The following PAX5 variants were observed in gnomAD, a reference collection of about 807,000 sequenced individuals.
PAX5 encodes paired box 5.
A neutral mutation model predicts 43.7 loss-of-function variants in PAX5; 9 were observed. The ratio of observed to expected loss-of-function variants is 0.21; its 90% CI spans 0.12 to 0.36. The LOEUF (loss-of-function observed/expected upper bound fraction) is 0.36. Among genes scored for constraint, PAX5 ranks in the 10% least tolerant of loss-of-function variants. The pLI is 1.00. For synonymous variants in PAX5, 228 were observed against 214.3 expected (o/e 1.06, Z -0.56); for missense variants, 383 against 532.7 (o/e 0.72, Z 2.77).
At chr9:36,913,343 C>T (rs1829458947) in intron 7 of PAX5, among the ~76,000 whole-genome samples, 1 of 152,218 alleles carries the variant, frequency 6.6e-6, no homozygotes, top group African/African-American at 2.4e-5. Flanking sequence ...AAGAGATGCT[C>T]CTCAGGGAAA....
intron 3 of PAX5, 146 bp downstream of exon 3, chr9:37,014,851 C>T (rs1839260049): frequency 1.3e-6 from 1 of 743,714 alleles, no homozygotes. Flanking sequence ...ACCGAGCAGG[C>T]CCCATTAGCA....
chr9:36,913,476 C>G (rs763909806), intron 7 of PAX5, among the ~76,000 whole-genome samples: 2 of 152,224 alleles, frequency 1.3e-5, no homozygotes, highest in Non-Finnish European at 2.9e-5. Context: ...GTGCCCCACC[C>G]GCTGTCCTCT....
intron 6 of PAX5, among the ~76,000 whole-genome samples, chr9:36,935,398 A>C (rs574415924): frequency 3.9e-4 from 60 of 152,008 alleles, no homozygotes; most frequent in African/African-American, 6.5e-4. Context: ...AACAAACAAA[A>C]AAAAAAATGA....
At chr9:37,006,613 A>G in intron 3 of PAX5, 76 bp from the exon 4 acceptor site, 1 of 1,156,422 alleles carries the variant, frequency 8.6e-7, no homozygotes, top group Non-Finnish European at 1.3e-6. Context: ...ATGCACAGAC[A>G]ACCAGAAAAC....
chr9:36,861,292 T>C (rs1563902655), intron 8 of PAX5: 1 of 151,416 alleles, frequency 6.6e-6, no homozygotes, highest in Non-Finnish European at 1.5e-5. Context: ...CATCCATCCA[T>C]TCATCTATCA....
At chr9:36,933,538 C>T (rs1403055398) in intron 6 of PAX5, among the ~76,000 whole-genome samples, 3 of 152,186 alleles carry the variant, frequency 2.0e-5, no homozygotes, top group African/African-American at 7.2e-5. Flanking sequence ...CTGCCCACCC[C>T]GTGTGCAGCA....
At chr9:37,028,340 A>G (rs1278122014) in intron 1 of PAX5, among the ~76,000 whole-genome samples, 2 of 152,082 alleles carry the variant, frequency 1.3e-5, no homozygotes, top group Non-Finnish European at 2.9e-5. Flanking sequence ...TAATTTTATC[A>G]AGTACCTACT....
intron 6 of PAX5, among the ~76,000 whole-genome samples, chr9:36,961,749 G>C (rs984503189): frequency 6.6e-6 from 1 of 152,166 alleles, no homozygotes; most frequent in Non-Finnish European, 1.5e-5. Flanking sequence ...GCGCTGCGCC[G>C]ACGACAACGT....
intron 6 of PAX5, among the ~76,000 whole-genome samples, chr9:36,948,930 C>T (rs1319235266): frequency 6.6e-6 from 1 of 152,154 alleles, no homozygotes; most frequent in Admixed American, 6.5e-5. Context: ...TGTGGCAGAA[C>T]ACTCCTTAAT....
At chr9:37,004,675 C>T (rs929571385) in intron 4 of PAX5, among the ~76,000 whole-genome samples, 1 of 152,248 alleles carries the variant, frequency 6.6e-6, no homozygotes, top group African/African-American at 2.4e-5. Context: ...AATCCCACAA[C>T]CTTTTCTGTA....
intron 8 of PAX5, among the ~76,000 whole-genome samples, chr9:36,855,505 A>AC (rs34644586): frequency 0.34 from 51,832 of 151,972 alleles, 9,168 homozygotes; most frequent in East Asian, 0.52. Context: ...TGTACAAATG[A>AC]CCCCCCTGAA....
intron 5 of PAX5, among the ~76,000 whole-genome samples, chr9:36,970,285 G>A (rs1233794979): frequency 6.6e-6 from 1 of 152,172 alleles, no homozygotes; most frequent in Non-Finnish European, 1.5e-5. Context: ...CCAGGGAGAG[G>A]GGATGGGGCA....
At chr9:36,939,950 C>T (rs60017165) in intron 6 of PAX5, among the ~76,000 whole-genome samples, 2 of 152,208 alleles carry the variant, frequency 1.3e-5, no homozygotes. Context: ...CACTGGAACT[C>T]GGGCTGGGGC....
chr9:36,903,306 C>T (rs1828555772), intron 7 of PAX5, among the ~76,000 whole-genome samples: 1 of 152,218 alleles, frequency 6.6e-6, no homozygotes, highest in South Asian at 2.1e-4. Context: ...GAGGTGGGAG[C>T]ATCACTTGAG....
chr9:36,969,748 C>T (rs1207932467), intron 5 of PAX5, among the ~76,000 whole-genome samples: 3 of 152,134 alleles, frequency 2.0e-5, no homozygotes, highest in Admixed American at 2.0e-4. Flanking sequence ...CCTGGGAGGC[C>T]GAGGTGGGTG....
chr9:37,025,677 G>T (rs1840272309), intron 1 of PAX5, among the ~76,000 whole-genome samples: 1 of 152,220 alleles, frequency 6.6e-6, no homozygotes, highest in Admixed American at 6.5e-5. Context: ...AGGAGGCTGT[G>T]GTAATGGGTG....
intron 6 of PAX5, among the ~76,000 whole-genome samples, chr9:36,928,933 A>G (rs191111682): frequency 1.5e-4 from 23 of 152,292 alleles, no homozygotes; most frequent in Admixed American, 1.4e-3. Context: ...TGAGTCATTA[A>G]TCTGCCTCTG....
At chr9:36,876,565 T>C (rs1297862617) in intron 8 of PAX5, among the ~76,000 whole-genome samples, 1 of 152,252 alleles carries the variant, frequency 6.6e-6, no homozygotes, top group Non-Finnish European at 1.5e-5. Flanking sequence ...TTAAGATATT[T>C]GCAACCATGT....
intron 6 of PAX5, among the ~76,000 whole-genome samples, chr9:36,940,500 G>A (rs561912502): frequency 2.0e-5 from 3 of 152,106 alleles, no homozygotes; most frequent in Admixed American, 6.5e-5. Flanking sequence ...AGTGAGGCGC[G>A]GTAAATCACA....
Sources: allele counts gnomAD v4.1 joint callset (sites outside exome capture counted in the v4.1 genomes callset), GRCh38; gene constraint gnomAD v4.1.1; transcripts MANE v1.5; gene names NCBI Gene and HGNC (gene_info 2026-07-23, HGNC 2026-07-21).